NPAS3: variants seen among roughly 807,000 people sequenced by gnomAD.
The protein encoded by NPAS3 is neuronal PAS domain protein 3, also known as neuronal PAS domain-containing protein 3.
Under a neutral mutation model 73.1 loss-of-function variants are expected in NPAS3, and 14 were observed. The ratio of observed to expected loss-of-function variants is 0.19; its 90% CI spans 0.13 to 0.30. The LOEUF (loss-of-function observed/expected upper bound fraction) is 0.30. NPAS3 is among the 10% of genes least tolerant of loss of function. The pLI is 1.00. For missense variants in NPAS3, 1,096 were observed against 1,250.0 expected, an observed-to-expected ratio of 0.88 and a Z score of 1.86; for synonymous variants, 620 against 541.5, an observed-to-expected ratio of 1.14 and a Z score of -2.01.
At chr14:33,241,891 G>T (rs1286763117) in intron 3 of NPAS3, among the ~76,000 whole-genome samples, 1 of 151,962 alleles carries the variant, frequency 6.6e-6, no homozygotes, top group Non-Finnish European at 1.5e-5. Context: ...TTAAAACTTT[G>T]CATGGTGAAT....
At chr14:32,935,486 A>G (rs889680510), upstream of NPAS3, among the ~76,000 whole-genome samples, 5 of 152,216 alleles carry the variant, frequency 3.3e-5, no homozygotes, top group South Asian at 4.1e-4. Context: ...TCTACATAAT[A>G]GTGTTATCAT....
chr14:33,005,123 G>A (rs896994560), intron 1 of NPAS3, among the ~76,000 whole-genome samples: 1 of 151,918 alleles, frequency 6.6e-6, no homozygotes, highest in East Asian at 1.9e-4. Flanking sequence ...TATAAGAAAT[G>A]CCTAAACCAG....
intron 5 of NPAS3, among the ~76,000 whole-genome samples, chr14:33,645,119 G>A (rs534075106): frequency 2.8e-4 from 43 of 151,722 alleles, no homozygotes; most frequent in Admixed American, 1.3e-3. Context: ...AAAGATGAGC[G>A]AATAGGACAA....
intron 5 of NPAS3, among the ~76,000 whole-genome samples, chr14:33,588,506 G>C (rs1259685254): frequency 6.6e-6 from 1 of 152,190 alleles, no homozygotes; most frequent in Non-Finnish European, 1.5e-5. Flanking sequence ...TTCATCTTGA[G>C]AACTCTTCCT....
At chr14:32,936,987 C>T (rs2139001772), upstream of NPAS3, among the ~76,000 whole-genome samples, 1 of 150,362 alleles carries the variant, frequency 6.7e-6, no homozygotes, top group East Asian at 2.0e-4. Flanking sequence ...GTATTATTCC[C>T]TCCTTCGATT....
At chr14:33,036,884 C>T (rs1484531745) in intron 1 of NPAS3, among the ~76,000 whole-genome samples, 3 of 152,182 alleles carry the variant, frequency 2.0e-5, no homozygotes, top group South Asian at 2.1e-4. Context: ...GCTACCTGCA[C>T]ACAGATCTAG....
chr14:33,646,802 A>ATTCTTCAGCACTCACGAAGAGAT, intron 5 of NPAS3, among the ~76,000 whole-genome samples: 1 of 152,170 alleles, frequency 6.6e-6, no homozygotes, highest in Non-Finnish European at 1.5e-5. Flanking sequence ...CACGTTAGCA[A>ATTCTTCAGCACTCACGAAGAGAT]TTCTTCAGCA....
chr14:33,080,217 C>T (rs916933947), intron 2 of NPAS3, among the ~76,000 whole-genome samples: 1 of 152,070 alleles, frequency 6.6e-6, no homozygotes, highest in African/African-American at 2.4e-5. Context: ...ACACCATTCT[C>T]CTGCCTCAGC....
intron 2 of NPAS3, among the ~76,000 whole-genome samples, chr14:33,171,849 A>G (rs894765966): frequency 3.3e-5 from 5 of 152,066 alleles, no homozygotes; most frequent in Non-Finnish European, 1.5e-5. Context: ...CATCGTTTCT[A>G]GCTTTTGATT....
At position 33,634,517 on chromosome 14, in the gene NPAS3, T is replaced by C. The variant is rs961202299; in HGVS notation, c.559-41694T>C. On this transcript the variant is annotated intron_variant, in intron 5 of 11. Coordinates refer to ENST00000356141, the Ensembl canonical transcript of NPAS3. ...AGGGGCTGAGGCCATAGTCCACGTA[T>C]AAAAAAGAAGGCGGGCAGGGGGTGC... Among the ~76,000 whole-genome samples the C allele has an allele frequency of 9.2e-5, 14 of 152,086 alleles. 1 individual carries two copies. In the South Asian group the frequency reaches 2.9e-3, roughly 32 times the overall value.
chr14:32,940,257 G>C (rs1382569654), intron 1 of NPAS3, among the ~76,000 whole-genome samples: 1 of 152,172 alleles, frequency 6.6e-6, no homozygotes, highest in Non-Finnish European at 1.5e-5. Flanking sequence ...TTTGAAGTTA[G>C]TTAAACTAGT....
At chr14:33,037,544 T>TCGA (rs2040211622) in intron 1 of NPAS3, among the ~76,000 whole-genome samples, 1 of 151,036 alleles carries the variant, frequency 6.6e-6, no homozygotes, top group South Asian at 2.1e-4. Flanking sequence ...TGCACACCTG[T>TCGA]GGTCTCAGCT....
chr14:33,164,371 CTGTT>C lies in NPAS3; in HGVS notation c.141-50805_141-50802del, dbSNP rs141923545. 8.5e-3 allele frequency among the ~76,000 whole-genome samples: 1,287 copies of C among 152,236 alleles called. 17 individuals are homozygous for C. The highest frequency in any genetic ancestry group is 0.029 in the African/African-American group (1,221 of 41,546). The stretch of plus-strand genomic sequence containing the variant: ...AACTTAAGTGTCTCAGGATGAAAAA[CTGTT>C]TGTTTTATGTAATCGGTCTTATATC... On this transcript the variant is annotated intron_variant, in intron 2 of 11. Transcript: ENST00000356141.
chr14:33,620,223 A>G (rs1434950253), intron 5 of NPAS3, among the ~76,000 whole-genome samples: 3 of 152,224 alleles, frequency 2.0e-5, no homozygotes, highest in Non-Finnish European at 4.4e-5. Flanking sequence ...ATCTTTTGAC[A>G]CAGATTCTAA....
chr14:33,073,209 T>C (rs2041545266), intron 2 of NPAS3, among the ~76,000 whole-genome samples: 1 of 152,204 alleles, frequency 6.6e-6, no homozygotes, highest in South Asian at 2.1e-4. Context: ...ATATTTATTG[T>C]CTCCTTTTGG....
chr14:33,172,106 G>A (rs2045413081), intron 2 of NPAS3, among the ~76,000 whole-genome samples: 1 of 152,112 alleles, frequency 6.6e-6, no homozygotes, highest in Non-Finnish European at 1.5e-5. Context: ...AAAGATCACT[G>A]ATCACCCACC....
intron 2 of NPAS3, among the ~76,000 whole-genome samples, chr14:33,209,151 G>A (rs528468094): frequency 3.3e-5 from 5 of 152,158 alleles, no homozygotes; most frequent in African/African-American, 7.2e-5. Flanking sequence ...CTTTTTTGGA[G>A]AGCATTAAAC....
chr14:33,035,347 G>T (rs1282320396), intron 1 of NPAS3, among the ~76,000 whole-genome samples: 1 of 152,050 alleles, frequency 6.6e-6, no homozygotes, highest in Admixed American at 6.5e-5. Context: ...GCCTTTGGAG[G>T]ATAGTAGCCT....
intron 4 of NPAS3, among the ~76,000 whole-genome samples, chr14:33,512,746 G>A (rs1254596782): frequency 6.6e-6 from 1 of 151,922 alleles, no homozygotes; most frequent in Non-Finnish European, 1.5e-5. Flanking sequence ...GGCTTGGCAA[G>A]GAATTTATTT....
Sources: allele counts gnomAD v4.1 joint callset (sites outside exome capture counted in the v4.1 genomes callset), GRCh38; gene constraint gnomAD v4.1.1; transcripts MANE v1.5; gene names NCBI Gene and HGNC (gene_info 2026-07-23, HGNC 2026-07-21).